The following MAP3K1 variants were observed in gnomAD, a reference collection of about 807,000 sequenced individuals.
The protein encoded by MAP3K1 is MAP/ERK kinase kinase 1.
A neutral mutation model predicts 144.2 loss-of-function variants in MAP3K1; 36 were observed. The ratio of observed to expected loss-of-function variants is 0.25; its 90% CI spans 0.19 to 0.33. The LOEUF is 0.33. Ranked by LOEUF, MAP3K1 falls within the 10% of genes least tolerant of loss-of-function variation. The pLI, the probability that MAP3K1 is intolerant of heterozygous loss-of-function variation, is 1.00. For missense variants in MAP3K1, 1,650 were observed against 1,881.9 expected (o/e 0.88, Z 2.28); for synonymous variants, 718 against 688.7 (o/e 1.04, Z -0.67).
At position 56,836,283 on chromosome 5, in the gene MAP3K1, ACT is replaced by A. The variant is rs1746653546; in HGVS notation, c.482+20236_482+20237del. 2.0e-5 allele frequency among the ~76,000 whole-genome samples: 3 copies of A among 150,662 alleles called. No individual in the cohort carries two copies. The Admixed American group carries it at 2.0e-4, about 10-fold the overall frequency. ...TCGCTTTTAAATACCTCATAGAAAT[ACT>A]CTCTCTCCATATTTCAACTTGGTCA... On this transcript the variant is annotated intron_variant, in intron 1 of 19. Coordinates refer to ENST00000399503, the MANE Select transcript of MAP3K1 (RefSeq NM_005921.2).
intron 17 of MAP3K1, among the ~76,000 whole-genome samples, chr5:56,886,910 C>T (rs1169887754): frequency 6.6e-6 from 1 of 152,120 alleles, no homozygotes; most frequent in African/African-American, 2.4e-5. Context: ...CAGGTGTGCA[C>T]CACCATGCCT....
intron 4 of MAP3K1, 42 bp downstream of exon 4, chr5:56,864,976 A>T: frequency 1.3e-6 from 2 of 1,534,084 alleles, no homozygotes; most frequent in Non-Finnish European, 1.8e-6. Context: ...GTAGTAGTAT[A>T]TGGTACTACC....
At chr5:56,820,069 C>T (rs964877454) in intron 1 of MAP3K1, among the ~76,000 whole-genome samples, 9 of 152,146 alleles carry the variant, frequency 5.9e-5, no homozygotes, top group South Asian at 2.1e-4. Context: ...AAAACATACT[C>T]ATTGAGCATA....
intron 1 of MAP3K1, among the ~76,000 whole-genome samples, chr5:56,851,180 A>C (rs758145054): frequency 6.6e-6 from 1 of 152,186 alleles, no homozygotes; most frequent in Non-Finnish European, 1.5e-5. Context: ...TCCCAACCTC[A>C]GTTGATCTGC....
intron 3 of MAP3K1, among the ~76,000 whole-genome samples, chr5:56,861,685 A>T (rs555891080): frequency 6.6e-6 from 1 of 152,264 alleles, no homozygotes; most frequent in East Asian, 1.9e-4. Context: ...ATATCACAGC[A>T]GATTGAATGC....
chr5:56,873,054 A>G (rs928283752), intron 9 of MAP3K1, 49 bp downstream of exon 9: 4 of 1,522,008 alleles, frequency 2.6e-6, no homozygotes, highest in Non-Finnish European at 2.7e-6. Context: ...TTATAGATCA[A>G]TTAATGTATT....
Position 56,887,650 on chromosome 5 carries a change from G to T in MAP3K1, c.4257+130G>T, listed in dbSNP as rs148271997. On this transcript the variant is annotated intron_variant, in intron 18 of 19. Transcript: ENST00000399503. ...TAGAAGTCCGTGGCCCTTAAAATAC[G>T]GTTTTAATAATATCTTTCAGACCCT... 4.2e-6 allele frequency: 4 copies of T among 960,564 alleles called. No homozygotes were observed. The East Asian group carries it at 7.3e-5, about 18-fold the overall frequency. 59.5% of individuals were successfully genotyped at this position (960,564 alleles called of 1,614,324 possible). A position where few individuals can be genotyped will look rare whatever the true frequency, so the allele number is the denominator to read the frequency against.
intron 1 of MAP3K1, among the ~76,000 whole-genome samples, chr5:56,853,925 G>C (rs1007187408): frequency 1.4e-4 from 22 of 152,136 alleles, no homozygotes; most frequent in Admixed American, 8.5e-4. Flanking sequence ...CATTTTAATG[G>C]AGGAAGTAAC....
intron 6 of MAP3K1, among the ~76,000 whole-genome samples, chr5:56,868,777 T>A (rs77680993): frequency 0.038 from 5,720 of 152,214 alleles, 153 homozygotes; most frequent in Middle Eastern, 0.065. Context: ...CAGTGGAAAA[T>A]TATGATGGCA....
chr5:56,882,127 C>T lies in MAP3K1; in HGVS notation c.2927C>T (p.Ser976Phe), dbSNP rs777180860. The stretch of plus-strand genomic sequence containing the variant: ...AACTCCTCTCCTTTATCTCATCATT[C>T]CCAATTAATGTTTCCAGCCTTGTCA... ...CLNSSPLSHHSQLMFPALSTP... is the reference protein window; with the variant it reads ...CLNSSPLSHHFQLMFPALSTP... Residue 976 changes from serine to phenylalanine, a missense_variant, in exon 14 of 20, where the codon TCC (serine) becomes TTC (phenylalanine). Physicochemically the swap from Ser to Phe is radical, Grantham distance 155. This residue lies in a region of MAP3K1 where 841 missense variants were observed against 886.5 expected (regional missense o/e 0.95). Transcript: ENST00000399503. 2 of 1,614,142 alleles carry T rather than the reference C, an allele frequency of 1.2e-6. No individual in the cohort carries two copies. The highest frequency in any genetic ancestry group is 2.2e-5 in the South Asian group (2 of 91,084).
chr5:56,820,234 T>G (rs1424773711), intron 1 of MAP3K1, among the ~76,000 whole-genome samples: 1 of 152,154 alleles, frequency 6.6e-6, no homozygotes. Flanking sequence ...TTTCTGTAGG[T>G]GCAAACTCAT....
chr5:56,836,479 A>G (rs1017512782), intron 1 of MAP3K1, among the ~76,000 whole-genome samples: 6 of 152,198 alleles, frequency 3.9e-5, no homozygotes, highest in Admixed American at 6.5e-5. Context: ...AAATACCCAT[A>G]TAGATATTAC....
intron 16 of MAP3K1, 48 bp from the exon 17 acceptor site, chr5:56,885,884 T>G (rs763073042): frequency 1.3e-6 from 2 of 1,569,966 alleles, no homozygotes; most frequent in Non-Finnish European, 8.8e-7. Context: ...TAATAAATAC[T>G]TTTAATTCTG....
At chr5:56,875,923 A>G (rs939514593) in intron 10 of MAP3K1, among the ~76,000 whole-genome samples, 1 of 152,158 alleles carries the variant, frequency 6.6e-6, no homozygotes, top group Non-Finnish European at 1.5e-5. Context: ...TTTTTAATAA[A>G]CATTTTGATT....
chr5:56,834,887 T>G (rs1746599820), intron 1 of MAP3K1, among the ~76,000 whole-genome samples: 1 of 152,188 alleles, frequency 6.6e-6, no homozygotes, highest in South Asian at 2.1e-4. Flanking sequence ...TTGTATAAAA[T>G]AAGATACTTA....
At chr5:56,844,514 T>G (rs1358957066) in intron 1 of MAP3K1, among the ~76,000 whole-genome samples, 2 of 152,110 alleles carry the variant, frequency 1.3e-5, no homozygotes, top group African/African-American at 2.4e-5. Flanking sequence ...GTCTTCTGTT[T>G]GGAACATCTT....
At chr5:56,817,097 T>G (rs776298124) in intron 1 of MAP3K1, 518 of 985,316 alleles carry the variant, frequency 5.3e-4, no homozygotes, top group Non-Finnish European at 5.9e-4. Flanking sequence ...CTGGTGCATA[T>G]GAAGTACAGT....
chr5:56,859,979 A>G, intron 3 of MAP3K1, 64 bp downstream of exon 3: 1 of 1,333,910 alleles, frequency 7.5e-7, no homozygotes, highest in Non-Finnish European at 1.1e-6. Flanking sequence ...ATAACAAAGA[A>G]AAGACTGGCC....
chr5:56,873,040 A>G (rs749569724), intron 9 of MAP3K1, 35 bp downstream of exon 9: 3 of 1,563,704 alleles, frequency 1.9e-6, no homozygotes, highest in Admixed American at 1.7e-5. Flanking sequence ...TCTCAAAGAA[A>G]TATTTATAGA....
Sources: allele counts gnomAD v4.1 joint callset (sites outside exome capture counted in the v4.1 genomes callset), GRCh38; gene constraint gnomAD v4.1.1; regional missense constraint gnomAD v4.1.1; transcripts MANE v1.5; gene names NCBI Gene and HGNC (gene_info 2026-07-23, HGNC 2026-07-21).